DCDC2: variants seen among roughly 807,000 people sequenced by gnomAD.
DCDC2 encodes doublecortin domain-containing protein 2.
Under a neutral mutation model 50.2 loss-of-function variants are expected in DCDC2, and 40 were observed. That is an observed-to-expected ratio of 0.80 (90% CI 0.62 to 1.04). The LOEUF (loss-of-function observed/expected upper bound fraction) is 1.04, where lower values mean the gene tolerates loss of function less well. DCDC2 is among the 50% of genes least tolerant of loss of function. The probability of loss-of-function intolerance (pLI) is 0.00; values close to 1 mark genes in which losing one functional copy is unlikely to be tolerated. For missense variants in DCDC2, 570 were observed against 581.9 expected (o/e 0.98, Z 0.21); for synonymous variants, 234 against 210.6 (o/e 1.11, Z -0.96).
chr6:24,286,126 A>G (rs1763604455), intron 6 of DCDC2, among the ~76,000 whole-genome samples: 1 of 152,140 alleles, frequency 6.6e-6, no homozygotes, highest in Non-Finnish European at 1.5e-5. Context: ...AGGTTGCCTC[A>G]AGCCTGGGCC....
At chr6:24,318,439 CAT>C (rs1759711509) in intron 2 of DCDC2, among the ~76,000 whole-genome samples, 1 of 151,948 alleles carries the variant, frequency 6.6e-6, no homozygotes, top group Non-Finnish European at 1.5e-5. Flanking sequence ...GGTACAAGTG[CAT>C]TTTTATTACA....
At chr6:24,294,230 A>C (rs1479590505) in intron 4 of DCDC2, among the ~76,000 whole-genome samples, 1 of 151,866 alleles carries the variant, frequency 6.6e-6, no homozygotes, top group East Asian at 1.9e-4. Flanking sequence ...ATGGTGGCAC[A>C]CTCCTGTAGT....
At chr6:24,372,144 G>C in the DCDC2 span, among the ~76,000 whole-genome samples, 5 of 152,274 alleles carry the variant, frequency 3.3e-5, no homozygotes, top group East Asian at 7.7e-4. Flanking sequence ...ATTATAGGCC[G>C]GGCGCGGTGG....
chr6:24,202,274 C>T (rs901989148), intron 8 of DCDC2, among the ~76,000 whole-genome samples: 1 of 152,126 alleles, frequency 6.6e-6, no homozygotes, highest in Non-Finnish European at 1.5e-5. Flanking sequence ...CATCAAAAAG[C>T]TTATCAGCCA....
rs1282810137 is a variant in DCDC2 at position 24,205,404 on chromosome 6, A to C, written c.923-302T>G. 35 of 1,348,758 alleles carry C rather than the reference A, an allele frequency of 2.6e-5. No individual in the cohort carries two copies. The Middle Eastern group carries it at 7.8e-4, about 30-fold the overall frequency. 83.5% of individuals were successfully genotyped at this position (1,348,758 alleles called of 1,614,324 possible). ...AGCCCTTTGTACAGGCATTGAGATG[A>C]GAAGAAATTCACAAGTATCATCCCA... On this transcript the variant is annotated intron_variant, in intron 7 of 9. Transcript: ENST00000378454.
At chr6:24,365,796 ATTGTTGTTGTTGTTT>A in the DCDC2 span, 1 of 152,020 alleles carries the variant, frequency 6.6e-6, no homozygotes, top group Non-Finnish European at 1.5e-5. Flanking sequence ...AAAGTAATAG[ATTGTTGTTGTTGTTT>A]TTGTTGTTGT....
intron 6 of DCDC2, among the ~76,000 whole-genome samples, chr6:24,282,146 T>C (rs757016892): frequency 6.6e-6 from 1 of 152,196 alleles, no homozygotes; most frequent in African/African-American, 2.4e-5. Context: ...CTCACATGCA[T>C]ATCAGTATAT....
In DCDC2 at chr6:24,342,524, G is replaced by A. The variant is rs377444430; in HGVS notation, c.348+11045C>T. On this transcript the variant is annotated intron_variant, in intron 2 of 9. Coordinates refer to ENST00000378454, the MANE Select transcript of DCDC2 (RefSeq NM_016356.5). ...GCTTCCACAGGAAGGCTCTGACCCCGAAAACCTTAGATTAGAGCGCATTTT... is the reference window on the plus strand; with the variant it reads ...GCTTCCACAGGAAGGCTCTGACCCCAAAAACCTTAGATTAGAGCGCATTTT... 3.9e-4 allele frequency among the ~76,000 whole-genome samples: 59 copies of A among 152,288 alleles called. 1 individual carries two copies. The East Asian group carries it at 5.2e-3, about 13-fold the overall frequency.
intron 4 of DCDC2, among the ~76,000 whole-genome samples, chr6:24,298,523 G>A (rs1759307899): frequency 6.6e-6 from 1 of 152,106 alleles, no homozygotes; most frequent in African/African-American, 2.4e-5. Context: ...CCATAACCCT[G>A]GGCAAATAAT....
chr6:24,190,388 G>A (rs1290489439), intron 8 of DCDC2, among the ~76,000 whole-genome samples: 5 of 152,186 alleles, frequency 3.3e-5, no homozygotes, highest in Admixed American at 2.6e-4. Flanking sequence ...TGGGGTTGGG[G>A]GAGAGGGGGA....
In DCDC2 at chr6:24,335,181, G is replaced by A. The variant is rs138317336; in HGVS notation, c.348+18388C>T. ...TGAAGGGAAGACCTGGTACTTTGCTGAAGGATCCTACAATAATATCACAAG... is the reference window on the plus strand; with the variant it reads ...TGAAGGGAAGACCTGGTACTTTGCTAAAGGATCCTACAATAATATCACAAG... On this transcript the variant is annotated intron_variant, in intron 2 of 9. Transcript: ENST00000378454. Among the ~76,000 whole-genome samples, 350 of 152,246 alleles carry A rather than the reference G, an allele frequency of 2.3e-3. 5 individuals carry two copies. The East Asian group carries it at 0.03, about 13-fold the overall frequency.
chr6:24,317,418 G>A (rs746972905), intron 2 of DCDC2, among the ~76,000 whole-genome samples: 3 of 151,966 alleles, frequency 2.0e-5, no homozygotes, highest in Non-Finnish European at 4.4e-5. Flanking sequence ...AAATGGCTTT[G>A]GGACAGTGGG....
At chr6:24,262,555 C>T (rs2113807194) in intron 7 of DCDC2, among the ~76,000 whole-genome samples, 1 of 152,284 alleles carries the variant, frequency 6.6e-6, no homozygotes, top group East Asian at 1.9e-4. Flanking sequence ...TGTGCCACCC[C>T]TCCCCCAACC....
chr6:24,357,302 C>T (rs971848867), intron 1 of DCDC2, 156 bp downstream of exon 1: 16 of 842,568 alleles, frequency 1.9e-5, no homozygotes, highest in South Asian at 6.3e-5. Flanking sequence ...CCTCTACCCC[C>T]CAACTGCAAC....
At position 24,187,653 on chromosome 6, in the gene DCDC2, C is replaced by T. The variant is rs552976342; in HGVS notation, c.1024-9021G>A. ...TTCTGGAAGTTTCTTGAAGTAAGGG[C>T]TTTTTGTTATTCATCTTTGTTCCCA... On this transcript the variant is annotated intron_variant, in intron 8 of 9. Coordinates refer to ENST00000378454, the MANE Select transcript of DCDC2 (RefSeq NM_016356.5). Among the ~76,000 whole-genome samples the T allele has an allele frequency of 3.3e-5, 5 of 152,298 alleles. No homozygotes were observed. In the South Asian group the frequency reaches 1.0e-3, roughly 32 times the overall value.
intron 4 of DCDC2, among the ~76,000 whole-genome samples, chr6:24,294,842 C>T (rs1763826945): frequency 6.6e-6 from 1 of 151,858 alleles, no homozygotes; most frequent in African/African-American, 2.4e-5. Flanking sequence ...GCCTACCGAT[C>T]AAAAAAAGCC....
chr6:24,242,607 G>T (rs563111082), intron 7 of DCDC2, among the ~76,000 whole-genome samples: 1 of 152,130 alleles, frequency 6.6e-6, no homozygotes, highest in African/African-American at 2.4e-5. Context: ...TGAGCTTGCC[G>T]AGGACAGACT....
chr6:24,188,562 T>C (rs776469064), intron 8 of DCDC2, among the ~76,000 whole-genome samples: 3 of 152,198 alleles, frequency 2.0e-5, no homozygotes, highest in Non-Finnish European at 2.9e-5. Context: ...TATTTTTATA[T>C]TTTATGCTCA....
upstream of DCDC2, among the ~76,000 whole-genome samples, chr6:24,360,796 G>A (rs1456265849): frequency 6.6e-6 from 1 of 152,114 alleles, no homozygotes; most frequent in Non-Finnish European, 1.5e-5. Context: ...CCATGGACCA[G>A]GCATTATGTA....
Sources: gnomAD v4.1 joint callset for allele counts (sites outside exome capture counted in the v4.1 genomes callset) on GRCh38, gnomAD v4.1.1 for gene constraint, MANE v1.5 for transcripts, NCBI Gene and HGNC (gene_info 2026-07-23, HGNC 2026-07-21) for gene names.